Variants in CTNNA2 observed in about 807,000 individuals in gnomAD.
CTNNA2 encodes the protein catenin alpha-2.
A neutral mutation model predicts 101.0 loss-of-function variants in CTNNA2; 42 were observed. That is an observed-to-expected ratio of 0.42 (90% CI 0.32 to 0.54). CTNNA2 has a LOEUF of 0.54. CTNNA2 is among the 20% of genes least tolerant of loss of function. The pLI is 0.14. For missense variants in CTNNA2, 871 were observed against 1,223.1 expected, an observed-to-expected ratio of 0.71 and a Z score of 4.29; for synonymous variants, 450 against 456.4, an observed-to-expected ratio of 0.99 and a Z score of 0.18.
intron 1 of CTNNA2, among the ~76,000 whole-genome samples, chr2:79,630,858 A>G (rs1009449989): frequency 5.3e-5 from 8 of 150,306 alleles, no homozygotes; most frequent in African/African-American, 1.3e-4. Flanking sequence ...TTTTTTGGAA[A>G]TGGCTGAGTT....
At chr2:79,290,014 A>T (rs1675752800) in intron 2 of CTNNA2, among the ~76,000 whole-genome samples, 1 of 152,102 alleles carries the variant, frequency 6.6e-6, no homozygotes, top group Non-Finnish European at 1.5e-5. Context: ...AACAATTGAG[A>T]TGCTATGTGC....
intron 2 of CTNNA2, among the ~76,000 whole-genome samples, chr2:79,267,484 G>A (rs1398159338): frequency 1.3e-5 from 2 of 152,080 alleles, no homozygotes; most frequent in South Asian, 2.1e-4. Flanking sequence ...AATCACCTAC[G>A]AAAGGCCCCA....
chr2:79,233,580 T>C (rs1674522363), intron 2 of CTNNA2, among the ~76,000 whole-genome samples: 1 of 152,116 alleles, frequency 6.6e-6, no homozygotes, highest in Non-Finnish European at 1.5e-5. Flanking sequence ...ATTGGTCAAG[T>C]GTTGAGTTTA....
intron 9 of CTNNA2, among the ~76,000 whole-genome samples, chr2:80,421,902 CTG>C (rs1005663433): frequency 1.3e-5 from 2 of 150,246 alleles, no homozygotes; most frequent in African/African-American, 4.9e-5. Flanking sequence ...TTCTTAGTTT[CTG>C]TGTCTGTAAT....
At position 79,874,328 on chromosome 2, in the gene CTNNA2, C is replaced by CA; in HGVS notation, c.838_839insA (p.Leu280HisfsTer2). The CA allele has an allele frequency of 6.2e-7, 1 of 1,613,440 alleles. No homozygotes were observed. Among genetic ancestry groups the CA allele is most frequent in the Non-Finnish European group, 8.5e-7 (1 of 1,179,966 alleles). ...GGGCATCGGCGAGCTGGCTGCGGCT[C>CA]TTAATGAGTTTGACGTAAGCATCCT... is the stretch of plus-strand genomic sequence containing the variant. On this transcript the variant is annotated frameshift_variant, in exon 6 of 19. Coordinates refer to ENST00000402739, the MANE Select transcript of CTNNA2 (RefSeq NM_001282597.3). LOFTEE classifies it high-confidence loss of function.
chr2:79,348,642 T>C (rs371279851), intron 3 of CTNNA2, among the ~76,000 whole-genome samples: 1 of 152,204 alleles, frequency 6.6e-6, no homozygotes, highest in Non-Finnish European at 1.5e-5. Flanking sequence ...GTAACTAGGG[T>C]ATGAAGTCAA....
chr2:79,693,250 T>A (rs1558844680), intron 2 of CTNNA2, among the ~76,000 whole-genome samples: 2 of 151,840 alleles, frequency 1.3e-5, no homozygotes, highest in Non-Finnish European at 2.9e-5. Context: ...TAGAAATGGA[T>A]GGTGTTAGAA....
At chr2:80,329,305 C>T (rs924422744) in intron 7 of CTNNA2, among the ~76,000 whole-genome samples, 5 of 152,100 alleles carry the variant, frequency 3.3e-5, no homozygotes, top group African/African-American at 9.7e-5. Flanking sequence ...TTTGAGGAAA[C>T]AAGATGTCTG....
intron 4 of CTNNA2, among the ~76,000 whole-genome samples, chr2:79,427,050 G>T (rs1414946516): frequency 6.6e-6 from 1 of 151,910 alleles, no homozygotes; most frequent in Non-Finnish European, 1.5e-5. Context: ...ACAACCCATT[G>T]CCTTCCAAGA....
At chr2:79,399,439 G>A (rs914013151) in intron 4 of CTNNA2, among the ~76,000 whole-genome samples, 1 of 152,044 alleles carries the variant, frequency 6.6e-6, no homozygotes, top group Non-Finnish European at 1.5e-5. Flanking sequence ...GCCTACCAAA[G>A]CACTGAAATG....
intron 4 of CTNNA2, among the ~76,000 whole-genome samples, chr2:79,428,774 C>A (rs1229976098): frequency 6.6e-6 from 1 of 152,020 alleles, no homozygotes; most frequent in Non-Finnish European, 1.5e-5. Context: ...GATAGCTGTA[C>A]CTCTATAGGG....
chr2:80,593,608 C>T (rs1442563931), intron 15 of CTNNA2, among the ~76,000 whole-genome samples: 2 of 152,138 alleles, frequency 1.3e-5, no homozygotes, highest in African/African-American at 4.8e-5. Context: ...ATCTCCAGAA[C>T]ATGTTCATCT....
At position 80,005,603 on chromosome 2, in the gene CTNNA2, G is replaced by GA. The variant is rs1358267589; in HGVS notation, c.1056+95810dup. Among the ~76,000 whole-genome samples the GA allele has an allele frequency of 3.3e-5, 5 of 152,266 alleles. No individual in the cohort carries two copies. The East Asian group carries it at 9.7e-4, about 29-fold the overall frequency. ...TCGGCCAAGGAGTGGCATTTGGAAA[G>GA]AAAATCCTAGAAAGCCTATCACCAT... On this transcript the variant is annotated intron_variant, in intron 7 of 18. Coordinates refer to ENST00000402739, the MANE Select transcript of CTNNA2 (RefSeq NM_001282597.3).
At chr2:80,530,555 G>T (rs939075647) in intron 9 of CTNNA2, among the ~76,000 whole-genome samples, 2 of 152,160 alleles carry the variant, frequency 1.3e-5, no homozygotes, top group African/African-American at 4.8e-5. Context: ...GCCAGGAAAC[G>T]TTGTTCATAA....
At chr2:79,538,400 C>T (rs1673204016) in intron 1 of CTNNA2, among the ~76,000 whole-genome samples, 1 of 152,240 alleles carries the variant, frequency 6.6e-6, no homozygotes, top group South Asian at 2.1e-4. Flanking sequence ...AGAACTTGAA[C>T]ATGCCAGCCT....
At chr2:80,105,358 G>A (rs1043271734) in intron 7 of CTNNA2, among the ~76,000 whole-genome samples, 6 of 152,178 alleles carry the variant, frequency 3.9e-5, no homozygotes, top group African/African-American at 1.4e-4. Context: ...TTCTCCTTCT[G>A]TGGCACCAGA....
At chr2:79,683,016 G>T (rs541769820) in intron 2 of CTNNA2, among the ~76,000 whole-genome samples, 13 of 152,344 alleles carry the variant, frequency 8.5e-5, no homozygotes, top group African/African-American at 2.9e-4. Flanking sequence ...GTCTATACAT[G>T]CAGGTTGGTG....
chr2:79,444,095 G>C (rs1363242445), intron 4 of CTNNA2, among the ~76,000 whole-genome samples: 1 of 152,016 alleles, frequency 6.6e-6, no homozygotes, highest in Non-Finnish European at 1.5e-5. Flanking sequence ...TATCTCTACA[G>C]TTGAGCCTTC....
intron 7 of CTNNA2, among the ~76,000 whole-genome samples, chr2:80,159,020 C>T (rs182663504): frequency 2.0e-4 from 30 of 152,112 alleles, no homozygotes; most frequent in Middle Eastern, 6.8e-3. Context: ...GCAGGTTGTT[C>T]AGTTGGACCA....
Sources: allele counts gnomAD v4.1 joint callset (sites outside exome capture counted in the v4.1 genomes callset), GRCh38; gene constraint gnomAD v4.1.1; transcripts MANE v1.5; gene names NCBI Gene and HGNC (gene_info 2026-07-23, HGNC 2026-07-21).